Variants in HS3ST4 observed in about 807,000 individuals in gnomAD.
The protein encoded by HS3ST4 is heparan sulfate glucosamine 3-O-sulfotransferase 4.
HS3ST4 carries 17 observed loss-of-function variants against 29.2 expected under a neutral mutation model. The observed-to-expected ratio is 0.58, with a 90% confidence interval of 0.40 to 0.87. The LOEUF is 0.87. Ranked by LOEUF, HS3ST4 falls within the 40% of genes least tolerant of loss-of-function variation. The pLI is 0.00. For missense variants in HS3ST4, 627 were observed against 634.5 expected (o/e 0.99, Z 0.13); for synonymous variants, 314 against 285.7 (o/e 1.10, Z -1.00).
intron 1 of HS3ST4, among the ~76,000 whole-genome samples, chr16:25,928,394 CA>C (rs942786709): frequency 6.6e-6 from 1 of 151,966 alleles, no homozygotes; most frequent in African/African-American, 2.4e-5. Context: ...AGGAAACATG[CA>C]GACCAAAGGG....
At chr16:25,746,594 C>T (rs1318340149) in intron 1 of HS3ST4, among the ~76,000 whole-genome samples, 4 of 151,794 alleles carry the variant, frequency 2.6e-5, no homozygotes, top group Non-Finnish European at 4.4e-5. Flanking sequence ...CCTTGTCTCC[C>T]AGGCTGGAGT....
At chr16:26,135,541 T>G in intron 1 of HS3ST4, 71 bp from the exon 2 acceptor site, 2 of 1,444,272 alleles carry the variant, frequency 1.4e-6, no homozygotes, top group Non-Finnish European at 1.9e-6. Context: ...ATATCACACA[T>G]TTTGTGCAAA....
At chr16:25,738,051 C>T (rs374417220) in intron 1 of HS3ST4, among the ~76,000 whole-genome samples, 14 of 152,044 alleles carry the variant, frequency 9.2e-5, no homozygotes, top group African/African-American at 2.7e-4. Context: ...ATTACAGGCA[C>T]GTGCCACCAC....
chr16:25,727,726 G>A (rs1399196309), intron 1 of HS3ST4, among the ~76,000 whole-genome samples: 1 of 152,110 alleles, frequency 6.6e-6, no homozygotes, highest in East Asian at 1.9e-4. Context: ...CATTTACGGG[G>A]TGACTTTTTG....
At chr16:25,695,036 A>G (rs1664684969) in intron 1 of HS3ST4, among the ~76,000 whole-genome samples, 1 of 152,210 alleles carries the variant, frequency 6.6e-6, no homozygotes, top group South Asian at 2.1e-4. Context: ...AGATTCCTTT[A>G]TGCTGATGTT....
chr16:25,986,794 C>T (rs1969068397), intron 1 of HS3ST4, among the ~76,000 whole-genome samples: 1 of 152,230 alleles, frequency 6.6e-6, no homozygotes, highest in South Asian at 2.1e-4. Flanking sequence ...TGGCGCTTGA[C>T]TCTGATCATT....
chr16:25,927,721 A>G (rs1968420113), intron 1 of HS3ST4, among the ~76,000 whole-genome samples: 1 of 150,888 alleles, frequency 6.6e-6, no homozygotes, highest in South Asian at 2.1e-4. Context: ...GATTTTTCGG[A>G]TTTATAAAAA....
intron 1 of HS3ST4, among the ~76,000 whole-genome samples, chr16:26,076,645 C>A (rs1174840091): frequency 6.6e-6 from 1 of 152,152 alleles, no homozygotes; most frequent in Non-Finnish European, 1.5e-5. Flanking sequence ...TTCTTCATCT[C>A]TGAACTGGGA....
chr16:26,086,491 A>C (rs764013125), intron 1 of HS3ST4, among the ~76,000 whole-genome samples: 1 of 152,070 alleles, frequency 6.6e-6, no homozygotes, highest in Non-Finnish European at 1.5e-5. Context: ...CTGGGACTAC[A>C]GTCGCCTGCC....
rs566486754 is a variant in HS3ST4, at chr16:25,829,349, G to A, written c.734+136198G>A. Among the ~76,000 whole-genome samples, 6 of 152,298 alleles carry A rather than the reference G, an allele frequency of 3.9e-5. No homozygotes were observed. The South Asian group carries it at 1.2e-3, about 32-fold the overall frequency. ...GGAAAATCACTTCATTTCTATCAGG[G>A]CAGAGTAGGCACATGGGTAGAGAGA... On this transcript the variant is annotated intron_variant, in intron 1 of 1. Transcript: ENST00000331351.
chr16:25,893,265 T>C (rs1567266472), intron 1 of HS3ST4, among the ~76,000 whole-genome samples: 1 of 152,174 alleles, frequency 6.6e-6, no homozygotes, highest in South Asian at 2.1e-4. Context: ...GTGCTGGGAT[T>C]ATGGCCATGA....
chr16:25,886,541 G>A (rs965718207), intron 1 of HS3ST4, among the ~76,000 whole-genome samples: 8 of 152,172 alleles, frequency 5.3e-5, no homozygotes, highest in African/African-American at 1.7e-4. Context: ...TCAGTTTCCC[G>A]AAGCAACCCA....
intron 1 of HS3ST4, among the ~76,000 whole-genome samples, chr16:25,802,038 C>T (rs558558659): frequency 6.8e-6 from 1 of 147,818 alleles, no homozygotes; most frequent in South Asian, 2.1e-4. Context: ...TGGGGACGAG[C>T]AGTTAAAAAT....
intron 1 of HS3ST4, among the ~76,000 whole-genome samples, chr16:25,761,328 C>G (rs1966787499): frequency 6.6e-6 from 1 of 152,170 alleles, no homozygotes; most frequent in Admixed American, 6.6e-5. Flanking sequence ...AAAGGGTGGC[C>G]ACTGGTCCCA....
intron 1 of HS3ST4, among the ~76,000 whole-genome samples, chr16:25,759,526 G>T (rs976528841): frequency 5.9e-5 from 9 of 152,228 alleles, no homozygotes; most frequent in Admixed American, 3.3e-4. Flanking sequence ...TTATAATGGT[G>T]GAGTGGGGGT....
rs573993414 is a variant in HS3ST4, at chr16:25,909,190, T to C, written c.734+216039T>C. Among the ~76,000 whole-genome samples the C allele has an allele frequency of 1.3e-3, 202 of 152,286 alleles. 3 individuals carry two copies. The highest frequency in any genetic ancestry group is 4.5e-3 in the African/African-American group (189 of 41,556). ...GGGCTGGAGATTCTGCATTTCTTTT[T>C]CTTTTTTCTTTTTTTCGAGATGGGC... On this transcript the variant is annotated intron_variant, in intron 1 of 1. Coordinates refer to ENST00000331351, the MANE Select transcript of HS3ST4 (RefSeq NM_006040.3).
chr16:26,095,901 T>A (rs1463296454), intron 1 of HS3ST4, among the ~76,000 whole-genome samples: 3 of 150,634 alleles, frequency 2.0e-5, no homozygotes, highest in Non-Finnish European at 4.4e-5. Context: ...GAGAGAAGAA[T>A]CAAATAGATG....
intron 1 of HS3ST4, among the ~76,000 whole-genome samples, chr16:25,995,608 T>C (rs558472704): frequency 6.6e-6 from 1 of 152,272 alleles, no homozygotes; most frequent in South Asian, 2.1e-4. Flanking sequence ...CTCAATCGTG[T>C]GCCCATCCTG....
intron 1 of HS3ST4, chr16:26,032,854 G>A (rs1388214354): frequency 2.6e-6 from 4 of 1,558,704 alleles, no homozygotes. Flanking sequence ...GCTGGACGCG[G>A]GATGCAGTGG....
Sources: allele counts gnomAD v4.1 joint callset (sites outside exome capture counted in the v4.1 genomes callset), GRCh38; gene constraint gnomAD v4.1.1; transcripts MANE v1.5; gene names NCBI Gene and HGNC (gene_info 2026-07-23, HGNC 2026-07-21).